NTRK3: variants seen among roughly 807,000 people sequenced by gnomAD.
NTRK3 encodes the protein neurotrophic receptor tyrosine kinase 3, also known as NT-3 growth factor receptor.
NTRK3 carries 24 observed loss-of-function variants against 91.7 expected under a neutral mutation model. That is an observed-to-expected ratio of 0.26 (90% CI 0.19 to 0.37). NTRK3 has a LOEUF of 0.37. NTRK3 is among the 10% of genes least tolerant of loss of function. The pLI is 1.00. For synonymous variants in NTRK3, 483 were observed against 404.0 expected, an observed-to-expected ratio of 1.20 and a Z score of -2.34; for missense variants, 880 against 1,068.9, an observed-to-expected ratio of 0.82 and a Z score of 2.46.
chr15:88,169,984 A>C (rs1028090837), intron 5 of NTRK3, among the ~76,000 whole-genome samples: 3 of 152,176 alleles, frequency 2.0e-5, no homozygotes, highest in African/African-American at 4.8e-5. Flanking sequence ...AAGCATCTCT[A>C]CACGCTGTCT....
At chr15:88,249,588 G>A (rs2053163022) in intron 3 of NTRK3, among the ~76,000 whole-genome samples, 1 of 152,140 alleles carries the variant, frequency 6.6e-6, no homozygotes. Flanking sequence ...TGACTGCAGT[G>A]GTCCTTTCCA....
intron 17 of NTRK3, among the ~76,000 whole-genome samples, chr15:87,884,492 A>T (rs544291955): frequency 1.3e-5 from 2 of 151,926 alleles, no homozygotes; most frequent in African/African-American, 4.8e-5. Context: ...AGACAAAATC[A>T]GTCAAATTTA....
At chr15:88,096,514 C>T (rs945542064) in intron 13 of NTRK3, among the ~76,000 whole-genome samples, 2 of 152,150 alleles carry the variant, frequency 1.3e-5, no homozygotes, top group Non-Finnish European at 2.9e-5. Flanking sequence ...AGACAGCAGG[C>T]AGTTCAGCCC....
intron 13 of NTRK3, among the ~76,000 whole-genome samples, chr15:88,034,268 T>C (rs1175735372): frequency 6.6e-6 from 1 of 152,182 alleles, no homozygotes; most frequent in Non-Finnish European, 1.5e-5. Context: ...TCTTGAAATA[T>C]CACATTGACC....
intron 14 of NTRK3, among the ~76,000 whole-genome samples, chr15:88,026,346 A>C (rs577250307): frequency 6.6e-6 from 1 of 152,180 alleles, no homozygotes; most frequent in South Asian, 2.1e-4. Context: ...GACATGGAGG[A>C]CCTTAAACAT....
chr15:87,950,676 T>C (rs539802723), intron 14 of NTRK3, among the ~76,000 whole-genome samples: 1 of 152,308 alleles, frequency 6.6e-6, no homozygotes, highest in South Asian at 2.1e-4. Context: ...TCCACCTCAT[T>C]GACTTGCCAT....
intron 13 of NTRK3, among the ~76,000 whole-genome samples, chr15:88,111,783 C>T (rs2051385325): frequency 6.6e-6 from 1 of 152,056 alleles, no homozygotes; most frequent in Non-Finnish European, 1.5e-5. Flanking sequence ...AAAGGGGCTG[C>T]TGTGTGGACT....
At chr15:88,132,517 C>T (rs2041460436) in intron 10 of NTRK3, among the ~76,000 whole-genome samples, 2 of 152,170 alleles carry the variant, frequency 1.3e-5, no homozygotes, top group African/African-American at 2.4e-5. Flanking sequence ...ACAGATGGGA[C>T]CTGCACCTAA....
At chr15:88,078,698 G>C (rs1308550743) in intron 13 of NTRK3, among the ~76,000 whole-genome samples, 1 of 152,134 alleles carries the variant, frequency 6.6e-6, no homozygotes, top group Non-Finnish European at 1.5e-5. Context: ...GTAAGTGAAG[G>C]CCTCTGCCAC....
chr15:88,010,424 T>C (rs1182524657), intron 14 of NTRK3, among the ~76,000 whole-genome samples: 1 of 152,200 alleles, frequency 6.6e-6, no homozygotes, highest in Non-Finnish European at 1.5e-5. Context: ...ATTTAAGATA[T>C]GAGTATCCTG....
chr15:88,045,748 C>A (rs1342336517), intron 13 of NTRK3, among the ~76,000 whole-genome samples: 2 of 152,222 alleles, frequency 1.3e-5, no homozygotes, highest in Non-Finnish European at 2.9e-5. Context: ...CAATCCTTGT[C>A]ATTCCTTGGC....
chr15:87,910,270 G>A lies in NTRK3; in HGVS notation c.2133+18921C>T, dbSNP rs572115976. Among the ~76,000 whole-genome samples, 23 of 152,334 alleles carry A rather than the reference G, an allele frequency of 1.5e-4. No individual in the cohort carries two copies. In the South Asian group the frequency reaches 3.5e-3, roughly 23 times the overall value. On this transcript the variant is annotated intron_variant, in intron 17 of 18. Coordinates refer to ENST00000394480, the Ensembl canonical transcript of NTRK3. ...CCTGAAGGTGTGTGCGTGGATTCAGGTTTTGGACTGACCAGGCATGGACCC... is the reference window on the plus strand; with the variant it reads ...CCTGAAGGTGTGTGCGTGGATTCAGATTTTGGACTGACCAGGCATGGACCC...
intron 17 of NTRK3, among the ~76,000 whole-genome samples, chr15:87,915,513 C>A (rs2067386112): frequency 6.6e-6 from 1 of 152,254 alleles, no homozygotes; most frequent in African/African-American, 2.4e-5. Flanking sequence ...AAAGTGTTTT[C>A]TCTTTCCTCC....
chr15:88,003,378 G>C (rs1327898996), intron 14 of NTRK3, among the ~76,000 whole-genome samples: 1 of 152,208 alleles, frequency 6.6e-6, no homozygotes, highest in East Asian at 1.9e-4. Flanking sequence ...GAGCTCCCTA[G>C]AGAAAATTCT....
intron 3 of NTRK3, among the ~76,000 whole-genome samples, chr15:88,249,056 A>G (rs1329752093): frequency 6.6e-6 from 1 of 152,190 alleles, no homozygotes. Context: ...GGGCTTAGGA[A>G]AAGAGCAGCT....
intron 13 of NTRK3, among the ~76,000 whole-genome samples, chr15:88,091,077 G>C (rs968188450): frequency 6.6e-6 from 1 of 152,234 alleles, no homozygotes. Context: ...GGGGCTAGGG[G>C]AGTGGAGCGG....
chr15:87,936,811 G>C (rs953836418), intron 15 of NTRK3, among the ~76,000 whole-genome samples: 12 of 152,016 alleles, frequency 7.9e-5, no homozygotes, highest in Admixed American at 2.0e-4. Flanking sequence ...AAAGAAGATG[G>C]GTAGTTATTA....
intron 13 of NTRK3, among the ~76,000 whole-genome samples, chr15:88,115,949 C>T (rs973625246): frequency 2.0e-5 from 3 of 151,938 alleles, no homozygotes; most frequent in Non-Finnish European, 4.4e-5. Context: ...CATTTCATTC[C>T]AGATCAGGGG....
At chr15:88,250,716 C>G (rs1465563076) in intron 3 of NTRK3, among the ~76,000 whole-genome samples, 1 of 152,216 alleles carries the variant, frequency 6.6e-6, no homozygotes, top group Non-Finnish European at 1.5e-5. Flanking sequence ...CACCCTGTCT[C>G]CTTCTCAAGT....
Sources: allele counts gnomAD v4.1 joint callset (sites outside exome capture counted in the v4.1 genomes callset), GRCh38; gene constraint gnomAD v4.1.1; transcripts MANE v1.5; gene names NCBI Gene and HGNC (gene_info 2026-07-23, HGNC 2026-07-21).